The following MED9 variants were observed in gnomAD, a reference collection of about 807,000 sequenced individuals.
MED9 encodes the protein mediator complex subunit 9.
MED9 carries 8 observed loss-of-function variants against 13.2 expected under a neutral mutation model. The ratio of observed to expected loss-of-function variants is 0.61; its 90% CI spans 0.36 to 1.10. MED9 has a LOEUF of 1.10. MED9 is among the 50% of genes least tolerant of loss of function. MED9 has a pLI of 0.02. For missense variants in MED9, 180 were observed against 193.4 expected (o/e 0.93, Z 0.41); for synonymous variants, 87 against 82.8 (o/e 1.05, Z -0.28).
Position 17,483,935 on chromosome 17 carries a change from C to CAA in MED9, c.224+6683_224+6684dup, listed in dbSNP as rs1210627017. On this transcript the variant is annotated intron_variant, in intron 1 of 1. Transcript: ENST00000268711. This position sits in a 1 kb window ranked among gnomAD's most constrained non-coding sequence, Gnocchi z 4.2. ...CTGGCGACAGAGCGAGACTCCATCT[C>CAA]AAAAAAAAAAAAAAGAATGAGGAAA... Among the ~76,000 whole-genome samples, 1 of 95,028 alleles carries CAA rather than the reference C, an allele frequency of 1.1e-5. No individual in the cohort carries two copies. The allele number at this position is 95,028 out of a possible 152,430, so 62.3% of individuals were successfully genotyped here. A position where few individuals can be genotyped will look rare whatever the true frequency, so the allele number is the denominator to read the frequency against.
rs1905001533 is a variant in MED9 at position 17,479,909 on chromosome 17, A to C, written c.224+2644A>C. On this transcript the variant is annotated intron_variant, in intron 1 of 1. Coordinates refer to ENST00000268711, the MANE Select transcript of MED9 (RefSeq NM_018019.3). ...CAACTCCTAAGCACCTGGTTTGTTA[A>C]CCATGGCCTATCCCCAGATCTCAGG... is the stretch of plus-strand genomic sequence containing the variant. 2.6e-5 allele frequency among the ~76,000 whole-genome samples: 4 copies of C among 152,198 alleles called. No homozygotes were observed. In the South Asian group the frequency reaches 8.3e-4, roughly 31 times the overall value.
chr17:17,487,329 T>A (rs895649920), intron 1 of MED9: 3 of 152,726 alleles, frequency 2.0e-5, no homozygotes, highest in African/African-American at 7.2e-5. Flanking sequence ...CCTTCCATGC[T>A]GTGGAAGCTT....
intron 1 of MED9, among the ~76,000 whole-genome samples, chr17:17,480,628 C>T (rs1271775486): frequency 2.6e-5 from 4 of 151,990 alleles, no homozygotes; most frequent in African/African-American, 7.3e-5. Flanking sequence ...TACACTTCAG[C>T]CTGGGTGACA....
At chr17:17,485,008 T>C (rs780265973) in intron 1 of MED9, 25 of 170,098 alleles carry the variant, frequency 1.5e-4, no homozygotes, top group Non-Finnish European at 2.7e-4. Context: ...ATTATTTTAT[T>C]TTATTTTTTA....
At chr17:17,478,683 C>A (rs1373706069) in intron 1 of MED9, among the ~76,000 whole-genome samples, 1 of 152,080 alleles carries the variant, frequency 6.6e-6, no homozygotes, top group East Asian at 1.9e-4. Context: ...ATGGCAAAAC[C>A]CCATCTCTAC....
intron 1 of MED9, among the ~76,000 whole-genome samples, chr17:17,481,122 A>G (rs1905026316): frequency 6.6e-6 from 1 of 152,158 alleles, no homozygotes. Flanking sequence ...AACAGAGTGC[A>G]GGTGTCTTCT....
chr17:17,488,121 G>A (rs1905169312), intron 1 of MED9: 1 of 152,286 alleles, frequency 6.6e-6, no homozygotes, highest in African/African-American at 2.4e-5. Flanking sequence ...AGCCACTGGA[G>A]TTAGTACCGT....
In MED9 at chr17:17,491,684, G is replaced by A. The variant is rs1011978155; in HGVS notation, c.*189G>A. 1 of 605,842 alleles carries A rather than the reference G, an allele frequency of 1.7e-6. No individual in the cohort carries two copies. The highest frequency in any genetic ancestry group is 1.9e-5 in the African/African-American group (1 of 53,886). 37.5% of individuals were successfully genotyped at this position (605,842 alleles called of 1,614,324 possible). ...GCCAGCGCAGAGCTTGGCTGCGCCGGGGGTTCCTCGTGTAGATCCATATGT... is the reference window on the plus strand; with the variant it reads ...GCCAGCGCAGAGCTTGGCTGCGCCGAGGGTTCCTCGTGTAGATCCATATGT... On this transcript the variant is annotated 3_prime_UTR_variant, in exon 2 of 2. Coordinates refer to ENST00000268711, the MANE Select transcript of MED9 (RefSeq NM_018019.3).
At position 17,492,157 on chromosome 17, in the gene MED9, T is replaced by G. The variant is rs1905248243; in HGVS notation, c.*662T>G. The G allele has an allele frequency of 6.5e-6, 1 of 154,282 alleles. No individual in the cohort carries two copies. Among genetic ancestry groups the G allele is most frequent in the Non-Finnish European group, 1.4e-5 (1 of 69,556 alleles). 9.6% of individuals were successfully genotyped at this position (154,282 alleles called of 1,614,324 possible). A position where few individuals can be genotyped will look rare whatever the true frequency, so the allele number is the denominator to read the frequency against. On this transcript the variant is annotated 3_prime_UTR_variant, in exon 2 of 2. Transcript: ENST00000268711. ...TGCCAGGCAGCCCCTGGCTCCAGGT[T>G]CCCTGCCTCCTAGCGCTCTCCTCGC...
At chr17:17,479,689 A>C (rs112722303) in intron 1 of MED9, among the ~76,000 whole-genome samples, 1,578 of 152,248 alleles carry the variant, frequency 0.01, 10 homozygotes, top group Non-Finnish European at 0.017. Flanking sequence ...TTAGCCAGGC[A>C]TGGTGGTGTG....
intron 1 of MED9, chr17:17,485,157 G>A (rs980682416): frequency 2.9e-6 from 1 of 343,740 alleles, no homozygotes; most frequent in Non-Finnish European, 5.2e-6. Context: ...GGGACTACAG[G>A]CACACGCCAC....
At chr17:17,478,400 C>G (rs547972290) in intron 1 of MED9, among the ~76,000 whole-genome samples, 1 of 152,162 alleles carries the variant, frequency 6.6e-6, no homozygotes, top group African/African-American at 2.4e-5. Flanking sequence ...ATTGTTACAA[C>G]GTGAAGGTCT....
chr17:17,479,103 G>T (rs908552200), intron 1 of MED9, among the ~76,000 whole-genome samples: 1 of 152,176 alleles, frequency 6.6e-6, no homozygotes, highest in Non-Finnish European at 1.5e-5. Flanking sequence ...ATATTCTTGA[G>T]CCCTGGTAGA....
intron 1 of MED9, among the ~76,000 whole-genome samples, chr17:17,488,694 G>A (rs920380373): frequency 6.6e-6 from 1 of 152,154 alleles, no homozygotes. Flanking sequence ...TTAGCCGGGC[G>A]TGGTAGCGCA....
Position 17,483,972 on chromosome 17 carries a change from T to C in MED9, c.224+6707T>C, listed in dbSNP as rs1905077975. Among the ~76,000 whole-genome samples, 1 of 151,348 alleles carries C rather than the reference T, an allele frequency of 6.6e-6. No homozygotes were observed. The highest frequency in any genetic ancestry group is 6.6e-5 in the Admixed American group (1 of 15,206). On this transcript the variant is annotated intron_variant, in intron 1 of 1. Coordinates refer to ENST00000268711, the MANE Select transcript of MED9 (RefSeq NM_018019.3). This position sits in a 1 kb window ranked among gnomAD's most constrained non-coding sequence, Gnocchi z 4.2. ...AAAGAATGAGGAAAGGGAAAAGAAA[T>C]CCCATTTTCATGCCTATAAGAAATA...
At chr17:17,489,777 T>C (rs1446789639) in intron 1 of MED9, among the ~76,000 whole-genome samples, 1 of 152,230 alleles carries the variant, frequency 6.6e-6, no homozygotes, top group East Asian at 1.9e-4. Context: ...TGGCCTCTCA[T>C]TTCCTGGAAG....
chr17:17,482,353 CTT>C (rs1905045539), intron 1 of MED9, among the ~76,000 whole-genome samples: 1 of 152,194 alleles, frequency 6.6e-6, no homozygotes, highest in Non-Finnish European at 1.5e-5. Context: ...CACCATTAAA[CTT>C]TTAACTTTGG....
chr17:17,485,330 TG>T (rs1398212530), intron 1 of MED9: 1 of 398,540 alleles, frequency 2.5e-6, no homozygotes, highest in African/African-American at 2.1e-5. Context: ...AGTGATCTGC[TG>T]ACTTCAGCCT....
intron 1 of MED9, among the ~76,000 whole-genome samples, chr17:17,488,931 A>G (rs1905185179): frequency 6.6e-6 from 1 of 152,144 alleles, no homozygotes; most frequent in African/African-American, 2.4e-5. Flanking sequence ...TCCTTGACCT[A>G]GTGGCTTTTT....
Sources: gnomAD v4.1 joint callset for allele counts (sites outside exome capture counted in the v4.1 genomes callset) on GRCh38, gnomAD v4.1.1 for gene constraint, Gnocchi (gnomAD v3.1) non-coding constraint, MANE v1.5 for transcripts, NCBI Gene and HGNC (gene_info 2026-07-23, HGNC 2026-07-21) for gene names.